Variants in TMPRSS7 observed in about 807,000 individuals in gnomAD.
The protein encoded by TMPRSS7 is transmembrane protease serine 7.
Under a neutral mutation model 95.6 loss-of-function variants are expected in TMPRSS7, and 81 were observed. That is an observed-to-expected ratio of 0.85 (90% confidence interval 0.71 to 1.02). The LOEUF is 1.02. Among genes scored for constraint, TMPRSS7 ranks in the 50% least tolerant of loss-of-function variants. The probability of loss-of-function intolerance (pLI) is 0.00; values close to 1 mark genes in which losing one functional copy is unlikely to be tolerated. For missense variants in TMPRSS7, 945 were observed against 955.2 expected (o/e 0.99, Z 0.14); for synonymous variants, 364 against 337.8 (o/e 1.08, Z -0.85).
chr3:112,043,262 T>C (rs973088451), intron 3 of TMPRSS7, among the ~76,000 whole-genome samples: 2 of 152,208 alleles, frequency 1.3e-5, no homozygotes, highest in African/African-American at 4.8e-5. Flanking sequence ...CTGAACAGTG[T>C]AGGCAATTGT....
At chr3:112,038,638 ACTGGCTAAC>A (rs1467805332) in intron 2 of TMPRSS7, among the ~76,000 whole-genome samples, 1 of 78,896 alleles carries the variant, frequency 1.3e-5, no homozygotes, top group Non-Finnish European at 3.6e-5. Flanking sequence ...ACCTGGGCTA[ACTGGCTAAC>A]TTTTAAAGTT....
intron 10 of TMPRSS7, among the ~76,000 whole-genome samples, chr3:112,061,020 C>T (rs1008363638): frequency 6.6e-6 from 1 of 152,174 alleles, no homozygotes; most frequent in African/African-American, 2.4e-5. Flanking sequence ...CTTCCCACAA[C>T]AATTACCCCC....
At chr3:112,034,952 A>G (rs1255644264) in intron 1 of TMPRSS7, 59 bp downstream of exon 1, 5 of 701,190 alleles carry the variant, frequency 7.1e-6, no homozygotes, top group Non-Finnish European at 1.0e-5. Context: ...TGACCCTGTT[A>G]GTAAAATGAG....
At chr3:112,068,628 C>G (rs150483368) in intron 13 of TMPRSS7, among the ~76,000 whole-genome samples, 18 of 152,130 alleles carry the variant, frequency 1.2e-4, no homozygotes, top group Non-Finnish European at 2.9e-5. Context: ...CTCTGTTTGC[C>G]TGTTATTGGT....
At chr3:112,059,447 ATC>A (rs750320474) in intron 10 of TMPRSS7, among the ~76,000 whole-genome samples, 13 of 152,284 alleles carry the variant, frequency 8.5e-5, no homozygotes, top group South Asian at 2.1e-4. Context: ...CAAGCCTGTG[ATC>A]TCTTTCCTCT....
chr3:112,070,527 A>T (rs1416559625), intron 13 of TMPRSS7, among the ~76,000 whole-genome samples: 1 of 152,182 alleles, frequency 6.6e-6, no homozygotes, highest in Non-Finnish European at 1.5e-5. Context: ...TTGGGTGCAT[A>T]TATATTTAGG....
intron 16 of TMPRSS7, among the ~76,000 whole-genome samples, chr3:112,077,608 G>A (rs2073728026): frequency 6.6e-6 from 1 of 152,168 alleles, no homozygotes; most frequent in Non-Finnish European, 1.5e-5. Context: ...ATGAGAGTAA[G>A]GGCTGAACTT....
chr3:112,051,032 T>C (rs1413012751), intron 9 of TMPRSS7, among the ~76,000 whole-genome samples: 1 of 152,210 alleles, frequency 6.6e-6, no homozygotes, highest in Non-Finnish European at 1.5e-5. Flanking sequence ...GCAAAGGCAT[T>C]ATTGAAGGTT....
intron 10 of TMPRSS7, among the ~76,000 whole-genome samples, chr3:112,057,426 T>A (rs533942911): frequency 6.6e-6 from 1 of 152,190 alleles, no homozygotes; most frequent in South Asian, 2.1e-4. Context: ...CCTGGATCCA[T>A]GGGGGAATAT....
chr3:112,048,629 A>T lies in TMPRSS7; in HGVS notation c.959+662A>T, dbSNP rs951296282. On this transcript the variant is annotated intron_variant, in intron 7 of 17. Transcript: ENST00000452346. ...ACTGTGCTAAAAAGGTACATAAATCATCCTATTATTTTTAACCGTGTCTAT... is the reference window on the plus strand; with the variant it reads ...ACTGTGCTAAAAAGGTACATAAATCTTCCTATTATTTTTAACCGTGTCTAT... Among the ~76,000 whole-genome samples, 6 of 152,206 alleles carry T rather than the reference A, an allele frequency of 3.9e-5. No homozygotes were observed. In the East Asian group the frequency reaches 7.7e-4, roughly 19 times the overall value.
At chr3:112,052,779 G>C (rs561413181) in intron 9 of TMPRSS7, among the ~76,000 whole-genome samples, 19 of 152,294 alleles carry the variant, frequency 1.2e-4, no homozygotes, top group African/African-American at 4.6e-4. Context: ...AAATTCCTTT[G>C]AGATAAAATA....
rs751143347 is a variant in TMPRSS7, at chr3:112,038,339, G to A, written c.298+18G>A. ...GTATATCAGTAAGTTAAAAATCTGT[G>A]TTTCTTTGGGGTTAGGGCTTATGGT... is the stretch of plus-strand genomic sequence containing the variant. On this transcript the variant is annotated intron_variant, in intron 2 of 17. Transcript: ENST00000452346. 11 of 698,788 alleles carry A rather than the reference G, an allele frequency of 1.6e-5. No homozygotes were observed. The highest frequency in any genetic ancestry group is 1.5e-4 in the South Asian group (10 of 67,186). The allele number at this position is 698,788 out of a possible 1,614,324, so 43.3% of individuals were successfully genotyped here.
chr3:112,041,796 C>A, intron 2 of TMPRSS7, 124 bp from the exon 3 acceptor site: 2 of 637,374 alleles, frequency 3.1e-6, no homozygotes, highest in Non-Finnish European at 5.5e-6. Flanking sequence ...GGCTCTGAAC[C>A]AGTTAGTATG....
chr3:112,067,348 A>G (rs2073590026), intron 13 of TMPRSS7, among the ~76,000 whole-genome samples: 1 of 152,202 alleles, frequency 6.6e-6, no homozygotes, highest in South Asian at 2.1e-4. Flanking sequence ...TATACCCAGT[A>G]ATGGGATGGC....
At chr3:112,046,623 T>C (rs112962826) in intron 5 of TMPRSS7, among the ~76,000 whole-genome samples, 3,220 of 152,344 alleles carry the variant, frequency 0.021, 118 homozygotes, top group African/African-American at 0.071. Flanking sequence ...GTATCTCATG[T>C]ACTATTTCAT....
chr3:112,042,740 G>C (rs959748542), intron 3 of TMPRSS7, among the ~76,000 whole-genome samples: 1 of 152,200 alleles, frequency 6.6e-6, no homozygotes, highest in South Asian at 2.1e-4. Context: ...TGTTTAGGCT[G>C]TTCCCAACTT....
rs2073443615 is a variant in TMPRSS7, at chr3:112,057,181, C to A, written c.1310+50C>A. The A allele has an allele frequency of 3.0e-6, 4 of 1,330,252 alleles. No individual in the cohort carries two copies. The South Asian group carries it at 3.7e-5, about 12-fold the overall frequency. 82.4% of individuals were successfully genotyped at this position (1,330,252 alleles called of 1,614,324 possible). ...TATGTGAGGCATCTGATGAAAAGTTCATAGCTGTGTGTTCCTTGTCCTCAA... is the reference window on the plus strand; with the variant it reads ...TATGTGAGGCATCTGATGAAAAGTTAATAGCTGTGTGTTCCTTGTCCTCAA... On this transcript the variant is annotated intron_variant, in intron 10 of 17. Coordinates refer to ENST00000452346, the Ensembl canonical transcript of TMPRSS7.
chr3:112,050,767 G>A, exon 9 of TMPRSS7: 1 of 1,594,624 alleles, frequency 6.3e-7, no homozygotes, highest in Non-Finnish European at 8.5e-7. Context: ...AAATGCAAGT[G>A]TACCTGGAAA....
chr3:112,057,315 A>G (rs996127322), intron 10 of TMPRSS7, among the ~76,000 whole-genome samples, 184 bp downstream of exon 10: 5 of 152,188 alleles, frequency 3.3e-5, no homozygotes, highest in Admixed American at 1.3e-4. Flanking sequence ...ATTCAAACCC[A>G]TGTCTTAGGG....
Sources: allele counts gnomAD v4.1 joint callset (sites outside exome capture counted in the v4.1 genomes callset), GRCh38; gene constraint gnomAD v4.1.1; transcripts MANE v1.5; gene names NCBI Gene and HGNC (gene_info 2026-07-23, HGNC 2026-07-21).